The following TRIM55 variants were observed in gnomAD, a reference collection of about 807,000 sequenced individuals.
TRIM55 encodes tripartite motif-containing protein 55.
TRIM55 carries 50 observed loss-of-function variants against 60.9 expected under a neutral mutation model. The ratio of observed to expected loss-of-function variants is 0.82; its 90% CI spans 0.65 to 1.04. TRIM55 has a LOEUF of 1.04. TRIM55 is among the 50% of genes least tolerant of loss of function. The probability of loss-of-function intolerance (pLI) is 0.00; values close to 1 mark genes in which losing one functional copy is unlikely to be tolerated. For missense variants in TRIM55, 681 were observed against 666.9 expected (o/e 1.02, Z -0.23); for synonymous variants, 237 against 238.1 (o/e 1.00, Z 0.04).
At chr8:66,167,073 C>T (rs1053180811) in intron 9 of TRIM55, among the ~76,000 whole-genome samples, 2 of 152,208 alleles carry the variant, frequency 1.3e-5, no homozygotes, top group Non-Finnish European at 2.9e-5. Context: ...CTCTGTCTGC[C>T]TTCAGTGGAG....
chr8:66,172,203 T>C (rs1382385073), intron 9 of TRIM55, among the ~76,000 whole-genome samples: 1 of 152,196 alleles, frequency 6.6e-6, no homozygotes, highest in African/African-American at 2.4e-5. Context: ...CATCTCTATT[T>C]TACAGAAGAG....
chr8:66,119,914 G>A, the TRIM55 span, among the ~76,000 whole-genome samples: 1 of 152,212 alleles, frequency 6.6e-6, no homozygotes, highest in Non-Finnish European at 1.5e-5. Context: ...ACTAGAGATT[G>A]GACACTACAG....
chr8:66,120,980 A>T, the TRIM55 span, among the ~76,000 whole-genome samples: 1 of 151,806 alleles, frequency 6.6e-6, no homozygotes, highest in East Asian at 1.9e-4. Flanking sequence ...ATTTGGCCTA[A>T]CTCCAGGTAG....
At chr8:66,155,836 T>A (rs1810708551) in intron 9 of TRIM55, 1 of 692,062 alleles carries the variant, frequency 1.4e-6, no homozygotes, top group Non-Finnish European at 2.4e-6. Flanking sequence ...AAAAGAACAT[T>A]GTTCTCAGAT....
At chr8:66,170,872 A>G (rs1272345076) in intron 9 of TRIM55, among the ~76,000 whole-genome samples, 4 of 152,218 alleles carry the variant, frequency 2.6e-5, no homozygotes, top group Admixed American at 2.6e-4. Context: ...CATTATTCAC[A>G]ATAGCCAAGA....
intron 9 of TRIM55, among the ~76,000 whole-genome samples, chr8:66,173,746 G>A (rs1333705987): frequency 1.3e-5 from 2 of 152,056 alleles, no homozygotes; most frequent in African/African-American, 4.8e-5. Context: ...GATTTTTAAA[G>A]GCAAAACAAC....
chr8:66,133,174 G>A (rs1809266810), intron 2 of TRIM55, among the ~76,000 whole-genome samples: 1 of 152,218 alleles, frequency 6.6e-6, no homozygotes, highest in Admixed American at 6.5e-5. Flanking sequence ...TAATCAGGAT[G>A]TGGTCTGGTC....
chr8:66,131,775 G>T (rs1375766387), intron 2 of TRIM55, among the ~76,000 whole-genome samples: 1 of 152,152 alleles, frequency 6.6e-6, no homozygotes, highest in Non-Finnish European at 1.5e-5. Flanking sequence ...CTTATTGTAA[G>T]CTTCTCACTG....
At chr8:66,167,284 C>T (rs536844986) in intron 9 of TRIM55, among the ~76,000 whole-genome samples, 1 of 152,312 alleles carries the variant, frequency 6.6e-6, no homozygotes, top group South Asian at 2.1e-4. Context: ...TAAGGACAAC[C>T]TGTTGGGTCT....
In TRIM55 at chr8:66,149,847, T is replaced by G. The variant is rs752634044; in HGVS notation, c.806T>G (p.Met269Arg). ...TTGGTTGAGTCAGGAATTCAGTTTA[T>G]GGATGAGCCAGAAATGGCAGTGTTT... is the stretch of plus-strand genomic sequence containing the variant. ...SKLVESGIQF[M>R]DEPEMAVFLQ... Residue 269 changes from methionine (M) to arginine (R), a missense_variant, in exon 5 of 10, where the codon ATG becomes AGG. Met to Arg is a moderately conservative substitution (Grantham distance 91). Coordinates refer to ENST00000315962, the MANE Select transcript of TRIM55 (RefSeq NM_184085.2). 8 of 1,614,036 alleles carry G rather than the reference T, an allele frequency of 5.0e-6. No individual in the cohort carries two copies. Among genetic ancestry groups the G allele is most frequent in the Non-Finnish European group, 5.1e-6 (6 of 1,179,968 alleles).
At chr8:66,115,313 T>C in the TRIM55 span, 2 of 152,358 alleles carry the variant, frequency 1.3e-5, no homozygotes, top group African/African-American at 4.8e-5. Context: ...TTATTTTCAA[T>C]AGTCTTTTAG....
chr8:66,151,850 T>TAATAAATAAATA (rs199757226), intron 7 of TRIM55, among the ~76,000 whole-genome samples: 2 of 142,636 alleles, frequency 1.4e-5, no homozygotes, highest in Non-Finnish European at 3.0e-5. Flanking sequence ...TCTCAAAAAA[T>TAATAAATAAATA]AATAAATAAA....
At chr8:66,122,161 T>C (rs1189763905), upstream of TRIM55, among the ~76,000 whole-genome samples, 2 of 152,126 alleles carry the variant, frequency 1.3e-5, no homozygotes, top group Non-Finnish European at 2.9e-5. Flanking sequence ...AAATAAATCT[T>C]GGGGCCCCCA....
intron 9 of TRIM55, among the ~76,000 whole-genome samples, chr8:66,159,623 G>A (rs540080680): frequency 8.5e-5 from 13 of 152,298 alleles, no homozygotes; most frequent in Admixed American, 5.2e-4. Context: ...ACTGTTTTCC[G>A]TAGTGGTTAT....
intron 2 of TRIM55, among the ~76,000 whole-genome samples, chr8:66,134,737 A>G (rs1361265278): frequency 6.6e-6 from 1 of 152,120 alleles, no homozygotes; most frequent in African/African-American, 2.4e-5. Context: ...GGTACAAATC[A>G]GGATCTCCAC....
At chr8:66,147,048 A>G (rs1325089105) in intron 4 of TRIM55, among the ~76,000 whole-genome samples, 1 of 152,244 alleles carries the variant, frequency 6.6e-6, no homozygotes, top group Non-Finnish European at 1.5e-5. Flanking sequence ...AGGGTTGGAC[A>G]AAGATTCCAT....
intron 7 of TRIM55, among the ~76,000 whole-genome samples, chr8:66,151,128 T>A (rs959950326): frequency 2.0e-5 from 3 of 152,182 alleles, no homozygotes; most frequent in African/African-American, 7.2e-5. Flanking sequence ...AAACAATACA[T>A]AGGAGGCATG....
chr8:66,140,966 A>G (rs111251043), intron 4 of TRIM55, among the ~76,000 whole-genome samples: 13,303 of 152,114 alleles, frequency 0.087, 992 homozygotes, highest in African/African-American at 0.2. Flanking sequence ...TTATCCTTCC[A>G]TAATTACACA....
chr8:66,160,341 T>G (rs893656528), intron 9 of TRIM55, among the ~76,000 whole-genome samples: 1 of 148,040 alleles, frequency 6.8e-6, no homozygotes, highest in East Asian at 1.9e-4. Context: ...TTTTTATGGC[T>G]GAGTAGTATT....
Sources: gnomAD v4.1 joint callset for allele counts (sites outside exome capture counted in the v4.1 genomes callset) on GRCh38, gnomAD v4.1.1 for gene constraint, MANE v1.5 for transcripts, NCBI Gene and HGNC (gene_info 2026-07-23, HGNC 2026-07-21) for gene names.